Variants in N4BP2L2 observed in about 807,000 individuals in gnomAD.
The protein encoded by N4BP2L2 is NEDD4 binding protein 2 like 2.
In N4BP2L2, 50 loss-of-function variants were observed where a neutral mutation model predicts 56.2. The observed-to-expected ratio is 0.89, with a 90% CI of 0.71 to 1.13. The LOEUF is 1.13. Among genes scored for constraint, N4BP2L2 ranks in the 50% most tolerant of loss-of-function variants. The pLI is 0.00. For missense variants in N4BP2L2, 689 were observed against 693.8 expected (o/e 0.99, Z 0.08); for synonymous variants, 203 against 223.6 (o/e 0.91, Z 0.82).
At chr13:32,450,140 C>T (rs892016292) in intron 6 of N4BP2L2, among the ~76,000 whole-genome samples, 2 of 151,950 alleles carry the variant, frequency 1.3e-5, no homozygotes, top group Non-Finnish European at 2.9e-5. Flanking sequence ...ATTAACTAGG[C>T]CATAAAGCTA....
chr13:32,527,096 T>G (rs900878547), intron 3 of N4BP2L2: 1 of 193,200 alleles, frequency 5.2e-6, no homozygotes, highest in African/African-American at 2.3e-5. Context: ...TTCTCTGAAT[T>G]TACTCATCAA....
At position 32,450,870 on chromosome 13, in the gene N4BP2L2, TTCTCTC is replaced by T. The variant is rs534768522; in HGVS notation, c.366-6750_366-6745del. Among the ~76,000 whole-genome samples, 31 of 59,960 alleles carry T rather than the reference TTCTCTC, an allele frequency of 5.2e-4. 1 individual carries two copies. The highest frequency in any genetic ancestry group is 1.1e-3 in the East Asian group (2 of 1,740). 39.3% of individuals were successfully genotyped at this position (59,960 alleles called of 152,430 possible). On this transcript the variant is annotated intron_variant, in intron 6 of 9. Coordinates refer to the N4BP2L2 transcript ENST00000357505. ...CCTCCCTCCCTCCCACCCCATCCCC[TTCTCTC>T]TCTCTCTCTCTCTCTCTCTCTCTTT...
At chr13:32,450,195 A>T (rs1312425267) in intron 6 of N4BP2L2, among the ~76,000 whole-genome samples, 3 of 152,250 alleles carry the variant, frequency 2.0e-5, no homozygotes, top group Non-Finnish European at 2.9e-5. Flanking sequence ...GGACCATAAT[A>T]TAGTTAACTT....
chr13:32,517,142 G>C, exon 6 of N4BP2L2: 5 of 985,242 alleles, frequency 5.1e-6, no homozygotes, highest in Non-Finnish European at 6.0e-6. Flanking sequence ...AAGCATGTGG[G>C]GTTAGGGAGA....
In N4BP2L2 at chr13:32,521,361, C is replaced by T. The variant is rs749732105; in HGVS notation, c.1550+12G>A. On this transcript the variant is annotated intron_variant, in intron 5 of 5. Coordinates refer to ENST00000267068, the Ensembl canonical transcript of N4BP2L2. ...AAAAGTTAAGGATTCAATAAAAATT[C>T]GAGTGTCTTACTTTTCTAATTCTTC... 3.6e-5 allele frequency: 57 copies of T among 1,570,800 alleles called. No individual in the cohort carries two copies. The highest frequency in any genetic ancestry group is 3.2e-4 in the South Asian group (28 of 88,166).
rs144861332 is a variant in N4BP2L2 at position 32,437,625 on chromosome 13, G to A, written c.2190+1027C>T. 9.4e-3 allele frequency among the ~76,000 whole-genome samples: 1,430 copies of A among 152,254 alleles called. 28 individuals carry two copies. Among genetic ancestry groups the A allele is most frequent in the Admixed American group, 0.046 (704 of 15,290 alleles). On this transcript the variant is annotated intron_variant, in intron 8 of 9. Coordinates refer to the N4BP2L2 transcript ENST00000357505. ...AATGAACAGCCCTCAGAATAGTTAC[G>A]TCTGTCACTGTGGACCACAGATCAC...
At chr13:32,461,155 G>A (rs1038884469) in intron 6 of N4BP2L2, among the ~76,000 whole-genome samples, 12 of 152,038 alleles carry the variant, frequency 7.9e-5, no homozygotes, top group African/African-American at 1.2e-4. Flanking sequence ...GCATAAGATC[G>A]AAAACTATAA....
At chr13:32,458,211 C>A (rs2079330155) in intron 6 of N4BP2L2, among the ~76,000 whole-genome samples, 1 of 152,102 alleles carries the variant, frequency 6.6e-6, no homozygotes, top group Non-Finnish European at 1.5e-5. Flanking sequence ...ACTACAGGCA[C>A]CCGCCACCAC....
chr13:32,480,713 C>T, intron 6 of N4BP2L2: 1 of 850,860 alleles, frequency 1.2e-6, no homozygotes, highest in Non-Finnish European at 1.7e-6. Flanking sequence ...TTGTTCAAAT[C>T]CACAACTGTG....
intron 6 of N4BP2L2, among the ~76,000 whole-genome samples, chr13:32,461,520 T>C (rs1223571336): frequency 6.6e-6 from 1 of 152,138 alleles, no homozygotes; most frequent in Non-Finnish European, 1.5e-5. Flanking sequence ...AACAGGTCTA[T>C]GAAAAAATGG....
At chr13:32,505,373 C>A (rs962798798), downstream of N4BP2L2, 12 of 152,208 alleles carry the variant, frequency 7.9e-5, no homozygotes, top group Non-Finnish European at 1.6e-4. Flanking sequence ...AGTCACATAT[C>A]CCTAATTGCT....
exon 4 of N4BP2L2, chr13:32,522,202 T>C: frequency 6.4e-7 from 1 of 1,565,598 alleles, no homozygotes; most frequent in African/African-American, 1.4e-5. Flanking sequence ...TATGGCTTCA[T>C]TTCCCAAGCT....
intron 5 of N4BP2L2, among the ~76,000 whole-genome samples, chr13:32,519,253 A>G (rs564670079): frequency 6.6e-6 from 1 of 152,000 alleles, no homozygotes; most frequent in South Asian, 2.1e-4. Context: ...CCAAAAAAAA[A>G]AAAAAAAAAT....
At position 32,535,857 on chromosome 13, in the gene N4BP2L2, G is replaced by A; in HGVS notation, c.1171C>T (p.Gln391Ter). 6.2e-7 allele frequency: 1 copy of A among 1,613,962 alleles called. No homozygotes were observed. Among genetic ancestry groups the A allele is most frequent in the Non-Finnish European group, 8.5e-7 (1 of 1,180,004 alleles). The change falls in exon 2 of 6, where the codon CAG becomes TAG. Residue 391 changes from glutamine to a stop codon, truncating the protein, a stop_gained. Transcript: ENST00000267068. LOFTEE classifies it high-confidence loss of function. Reference sequence around the variant, plus strand: ...TTATTTAACTTTTCCTCTTGAAACTGCTGGTTCACAAACCTGTCTGTTCCA... The same window carrying A: ...TTATTTAACTTTTCCTCTTGAAACTACTGGTTCACAAACCTGTCTGTTCCA...
chr13:32,480,599 T>C (rs1344329791), intron 6 of N4BP2L2: 1 of 1,285,174 alleles, frequency 7.8e-7, no homozygotes, highest in South Asian at 1.2e-5. Flanking sequence ...CCTGAGTTGC[T>C]GTCTTACTAG....
At chr13:32,520,329 A>G (rs2139998551) in intron 5 of N4BP2L2, among the ~76,000 whole-genome samples, 1 of 151,408 alleles carries the variant, frequency 6.6e-6, no homozygotes, top group African/African-American at 2.4e-5. Context: ...ACGGGTGGGA[A>G]GGTGGGGACG....
intron 6 of N4BP2L2, among the ~76,000 whole-genome samples, chr13:32,495,842 C>T (rs912876603): frequency 1.3e-5 from 2 of 152,128 alleles, no homozygotes; most frequent in African/African-American, 4.8e-5. Context: ...TGCTACCATG[C>T]CCAGGTAATT....
chr13:32,532,199 A>C (rs904059345), intron 2 of N4BP2L2, among the ~76,000 whole-genome samples: 1 of 152,242 alleles, frequency 6.6e-6, no homozygotes, highest in African/African-American at 2.4e-5. Context: ...GGAGGGGTAC[A>C]TTATTCAGCC....
At chr13:32,473,263 CAGA>C (rs552794526) in intron 6 of N4BP2L2, among the ~76,000 whole-genome samples, 2 of 146,146 alleles carry the variant, frequency 1.4e-5, no homozygotes, top group South Asian at 2.2e-4. Flanking sequence ...GCCTGGGCAA[CAGA>C]AGGAGACTCC....
Sources: gnomAD v4.1 joint callset for allele counts (sites outside exome capture counted in the v4.1 genomes callset) on GRCh38, gnomAD v4.1.1 for gene constraint, MANE v1.5 for transcripts, NCBI Gene and HGNC (gene_info 2026-07-23, HGNC 2026-07-21) for gene names.